PRH1: variants seen among roughly 807,000 people sequenced by gnomAD.
PRH1 encodes proline rich protein HaeIII subfamily 1.
PRH1 carries 7 observed loss-of-function variants against 7.9 expected under a neutral mutation model. That is an observed-to-expected ratio of 0.89 (90% CI 0.50 to 1.67). The LOEUF (loss-of-function observed/expected upper bound fraction) is 1.67, where lower values mean the gene tolerates loss of function less well. Ranked by LOEUF, PRH1 falls within the 40% of genes most tolerant of loss-of-function variation. The pLI is 0.00. For missense variants in PRH1, 109 were observed against 223.6 expected (o/e 0.49, Z 3.27); for synonymous variants, 45 against 80.8 (o/e 0.56, Z 2.38).
chr12:10,983,885 T>C (rs1939480465), intron 1 of PRH1, among the ~76,000 whole-genome samples: 1 of 152,184 alleles, frequency 6.6e-6, no homozygotes, highest in African/African-American at 2.4e-5. Context: ...GGACTTATCT[T>C]CCAAATAAAT....
chr12:11,031,232 C>G (rs372174270), intron 1 of PRH1: 2 of 1,614,092 alleles, frequency 1.2e-6, no homozygotes, highest in Admixed American at 3.3e-5. Flanking sequence ...TCTCTTGACC[C>G]GCTCAATGGA....
At chr12:10,922,326 C>G (rs1158399306) in intron 2 of PRH1, among the ~76,000 whole-genome samples, 2 of 152,142 alleles carry the variant, frequency 1.3e-5, no homozygotes, top group Non-Finnish European at 2.9e-5. Flanking sequence ...GGATTCTTAG[C>G]TTTAGCCGGT....
intron 2 of PRH1, among the ~76,000 whole-genome samples, chr12:10,923,301 T>C (rs898279940): frequency 1.9e-4 from 29 of 151,878 alleles, no homozygotes; most frequent in Admixed American, 1.8e-3. Flanking sequence ...AATTTTTTTG[T>C]ATTTTTAGTA....
chr12:10,987,135 T>C (rs1939686693), intron 1 of PRH1, among the ~76,000 whole-genome samples: 2 of 152,188 alleles, frequency 1.3e-5, no homozygotes, highest in African/African-American at 4.8e-5. Flanking sequence ...GCTTGAATTA[T>C]TCATAATGAA....
chr12:10,901,266 G>A (rs112745621), intron 2 of PRH1, among the ~76,000 whole-genome samples: 3 of 152,264 alleles, frequency 2.0e-5, no homozygotes, highest in African/African-American at 7.2e-5. Flanking sequence ...TGGTGGGGGT[G>A]GGTTCTGCTC....
intron 1 of PRH1, among the ~76,000 whole-genome samples, chr12:11,004,049 G>A (rs900118796): frequency 6.6e-6 from 1 of 151,242 alleles, no homozygotes. Flanking sequence ...GTCTTAGGAT[G>A]TGATCCTTCA....
At chr12:11,136,184 T>C (rs1946547185) in intron 1 of PRH1, among the ~76,000 whole-genome samples, 1 of 152,210 alleles carries the variant, frequency 6.6e-6, no homozygotes, top group Non-Finnish European at 1.5e-5. Context: ...TATGCAACCC[T>C]AAACTCCATC....
chr12:11,021,290 T>C (rs938396758), intron 1 of PRH1, among the ~76,000 whole-genome samples: 2 of 152,150 alleles, frequency 1.3e-5, no homozygotes, highest in Admixed American at 6.6e-5. Flanking sequence ...TAAGCACATA[T>C]ATGTGGTACA....
intron 1 of PRH1, chr12:11,133,113 T>C (rs1359076667): frequency 8.4e-6 from 6 of 713,918 alleles, no homozygotes; most frequent in Non-Finnish European, 1.2e-5. Flanking sequence ...TGTTCTTCAG[T>C]TTTTCATACA....
At position 10,993,592 on chromosome 12, in the gene PRH1, T is replaced by C. The variant is rs115769522; in HGVS notation, c.-125-19871A>G. 2.6e-3 allele frequency among the ~76,000 whole-genome samples: 395 copies of C among 152,284 alleles called. 1 individual carries two copies. Among genetic ancestry groups the C allele is most frequent in the African/African-American group, 9.2e-3 (382 of 41,556 alleles). ...AGCATGTTGCTCTCTATACATCTAT[T>C]TCCTGTCACTAAAAATGAGACACAA... On this transcript the variant is annotated intron_variant, in intron 1 of 3. Coordinates refer to the PRH1 transcript ENST00000539853.
intron 2 of PRH1, among the ~76,000 whole-genome samples, chr12:10,916,909 TA>T (rs1174240292): frequency 1.6e-4 from 24 of 151,344 alleles, no homozygotes; most frequent in East Asian, 3.9e-4. Flanking sequence ...TAAAATAAAA[TA>T]AAATAAAATA....
intron 2 of PRH1, among the ~76,000 whole-genome samples, chr12:10,962,232 A>C (rs1938271281): frequency 6.6e-6 from 1 of 152,268 alleles, no homozygotes; most frequent in Non-Finnish European, 1.5e-5. Flanking sequence ...TAAAAATATT[A>C]TATAAAAATC....
intron 1 of PRH1, among the ~76,000 whole-genome samples, chr12:11,086,669 T>A (rs1271672186): frequency 2.2e-5 from 3 of 136,642 alleles, no homozygotes; most frequent in African/African-American, 7.9e-5. Flanking sequence ...ATCCCAGCAC[T>A]TTGGGAGGCT....
intron 1 of PRH1, chr12:11,076,893 G>C (rs1944312661): frequency 8.7e-6 from 1 of 114,806 alleles, no homozygotes; most frequent in East Asian, 2.1e-4. Context: ...TCTCATCATT[G>C]ATTTAATATT....
At chr12:11,017,247 T>G (rs1941338210) in intron 1 of PRH1, among the ~76,000 whole-genome samples, 1 of 152,232 alleles carries the variant, frequency 6.6e-6, no homozygotes, top group Non-Finnish European at 1.5e-5. Flanking sequence ...CTGCTCTCAG[T>G]TTAATTTACA....
intron 1 of PRH1, among the ~76,000 whole-genome samples, chr12:11,013,582 C>T (rs541922303): frequency 6.6e-6 from 1 of 152,224 alleles, no homozygotes; most frequent in African/African-American, 2.4e-5. Context: ...TATTTCTCTA[C>T]TTAGATCATT....
At chr12:10,973,107 T>C (rs1331433976) in intron 2 of PRH1, among the ~76,000 whole-genome samples, 1 of 152,124 alleles carries the variant, frequency 6.6e-6, no homozygotes, top group East Asian at 1.9e-4. Flanking sequence ...CATGCTTAGG[T>C]CTATAAGTAA....
At chr12:11,033,366 A>AAAAACAAAAC (rs77949516) in intron 1 of PRH1, among the ~76,000 whole-genome samples, 3,414 of 151,172 alleles carry the variant, frequency 0.023, 129 homozygotes, top group African/African-American at 0.077. Context: ...GACTCTGTCA[A>AAAAACAAAAC]AAAACAAAAC....
intron 2 of PRH1, among the ~76,000 whole-genome samples, chr12:10,898,740 T>TGA (rs1949683601): frequency 6.6e-6 from 1 of 152,074 alleles, no homozygotes; most frequent in South Asian, 2.1e-4. Context: ...AAGGACTCAT[T>TGA]GAGAAGGTGA....
Sources: gnomAD v4.1 joint callset for allele counts (sites outside exome capture counted in the v4.1 genomes callset) on GRCh38, gnomAD v4.1.1 for gene constraint, MANE v1.5 for transcripts, NCBI Gene and HGNC (gene_info 2026-07-23, HGNC 2026-07-21) for gene names.